The following ARHGAP15 variants were observed in gnomAD, a reference collection of about 807,000 sequenced individuals.
The protein encoded by ARHGAP15 is rho GTPase-activating protein 15.
In ARHGAP15, 51 loss-of-function variants were observed where a neutral mutation model predicts 63.7. The ratio of observed to expected loss-of-function variants is 0.80; its 90% confidence interval spans 0.64 to 1.01. The LOEUF is 1.01. Among genes scored for constraint, ARHGAP15 ranks in the 50% least tolerant of loss-of-function variants. ARHGAP15 has a pLI of 0.00. For synonymous variants in ARHGAP15, 191 were observed against 193.8 expected, an observed-to-expected ratio of 0.99 and a Z score of 0.12; for missense variants, 560 against 564.6, an observed-to-expected ratio of 0.99 and a Z score of 0.08.
At chr2:143,148,215 G>A (rs943391647) in intron 1 of ARHGAP15, among the ~76,000 whole-genome samples, 2 of 151,926 alleles carry the variant, frequency 1.3e-5, no homozygotes, top group Non-Finnish European at 2.9e-5. Context: ...TTATCATACA[G>A]CATCCAGGCC....
At chr2:143,304,675 A>T (rs1453501076) in intron 6 of ARHGAP15, among the ~76,000 whole-genome samples, 2 of 152,158 alleles carry the variant, frequency 1.3e-5, no homozygotes, top group African/African-American at 4.8e-5. Flanking sequence ...TTCACAAGTG[A>T]TTAAAATGAA....
intron 12 of ARHGAP15, among the ~76,000 whole-genome samples, chr2:143,630,299 T>A (rs1456598420): frequency 1.3e-5 from 2 of 152,142 alleles, no homozygotes; most frequent in African/African-American, 4.8e-5. Flanking sequence ...CAATATCTCC[T>A]TTTGAAATTT....
At chr2:143,645,429 C>A (rs1304246425) in intron 12 of ARHGAP15, among the ~76,000 whole-genome samples, 1 of 152,038 alleles carries the variant, frequency 6.6e-6, no homozygotes, top group Admixed American at 6.6e-5. Flanking sequence ...ATTATACTTT[C>A]TTCAACATTA....
chr2:143,149,141 C>T (rs1200545710), intron 1 of ARHGAP15, among the ~76,000 whole-genome samples: 1 of 151,976 alleles, frequency 6.6e-6, no homozygotes, highest in Admixed American at 6.6e-5. Context: ...TTGTCATGAG[C>T]TCTTAGCAGA....
At chr2:143,392,912 A>T (rs1387247780) in intron 6 of ARHGAP15, among the ~76,000 whole-genome samples, 2 of 152,092 alleles carry the variant, frequency 1.3e-5, no homozygotes, top group Non-Finnish European at 2.9e-5. Context: ...CAAGACAGAA[A>T]TCTCCATAGA....
intron 6 of ARHGAP15, among the ~76,000 whole-genome samples, chr2:143,273,202 T>G (rs906417987): frequency 2.6e-5 from 4 of 152,140 alleles, no homozygotes; most frequent in Non-Finnish European, 5.9e-5. Context: ...TACACTAATA[T>G]CCTCATTTTC....
intron 6 of ARHGAP15, among the ~76,000 whole-genome samples, chr2:143,265,221 A>AT (rs55917586): frequency 0.045 from 6,530 of 146,660 alleles, 156 homozygotes; most frequent in Non-Finnish European, 0.058. Flanking sequence ...TATATCTGTG[A>AT]TTTTTTTTTT....
chr2:143,532,224 AT>A (rs945131357), intron 10 of ARHGAP15, among the ~76,000 whole-genome samples: 4 of 152,186 alleles, frequency 2.6e-5, no homozygotes, highest in Non-Finnish European at 4.4e-5. Flanking sequence ...AGATGCCAAG[AT>A]TTTACAGGCA....
intron 6 of ARHGAP15, among the ~76,000 whole-genome samples, chr2:143,377,201 A>G (rs1219298930): frequency 6.6e-6 from 1 of 151,664 alleles, no homozygotes; most frequent in African/African-American, 2.4e-5. Flanking sequence ...AAATCCAGCC[A>G]ATACTTACCA....
intron 6 of ARHGAP15, among the ~76,000 whole-genome samples, chr2:143,379,485 A>ATGTGTGTGTG (rs1234683861): frequency 5.5e-5 from 5 of 90,094 alleles, no homozygotes; most frequent in Admixed American, 3.0e-4. Flanking sequence ...TTAGGCATAT[A>ATGTGTGTGTG]TATGTGTGTG....
intron 3 of ARHGAP15, among the ~76,000 whole-genome samples, chr2:143,210,612 A>AT (rs1332467339): frequency 6.6e-6 from 1 of 152,166 alleles, no homozygotes; most frequent in African/African-American, 2.4e-5. Context: ...ATGTTGTCTT[A>AT]TCCTAAGTGA....
chr2:143,307,880 T>C (rs62170422), intron 6 of ARHGAP15, among the ~76,000 whole-genome samples: 7,076 of 152,244 alleles, frequency 0.046, 218 homozygotes, highest in Non-Finnish European at 0.068. Flanking sequence ...AAATGAGGCA[T>C]CACTGCATTT....
chr2:143,314,656 C>T (rs1683613628), intron 6 of ARHGAP15: 1 of 152,104 alleles, frequency 6.6e-6, no homozygotes, highest in African/African-American at 2.4e-5. Flanking sequence ...TAAGTTTTTC[C>T]TGAAAACATT....
chr2:143,724,297 G>A (rs961900822), intron 13 of ARHGAP15, among the ~76,000 whole-genome samples: 4 of 152,112 alleles, frequency 2.6e-5, no homozygotes, highest in Admixed American at 2.0e-4. Flanking sequence ...CTGAGTGTCA[G>A]TTTCCTCTTC....
chr2:143,555,429 G>A (rs557906790), intron 10 of ARHGAP15, among the ~76,000 whole-genome samples: 2 of 152,154 alleles, frequency 1.3e-5, no homozygotes, highest in African/African-American at 2.4e-5. Context: ...CTAGTCCTGA[G>A]TGCCCAGACA....
chr2:143,586,375 TCTC>T (rs548064756), intron 11 of ARHGAP15, among the ~76,000 whole-genome samples: 30 of 152,228 alleles, frequency 2.0e-4, no homozygotes, highest in Admixed American at 1.5e-3. Flanking sequence ...TTTGCTCTAT[TCTC>T]TTCTTCAAGA....
At chr2:143,690,474 G>A (rs139919232) in intron 12 of ARHGAP15, among the ~76,000 whole-genome samples, 12 of 152,070 alleles carry the variant, frequency 7.9e-5, no homozygotes, top group African/African-American at 2.4e-4. Context: ...TTGCTGTTGC[G>A]TCTTTACCTG....
chr2:143,359,591 A>C (rs994216176), intron 6 of ARHGAP15, among the ~76,000 whole-genome samples: 1 of 152,188 alleles, frequency 6.6e-6, no homozygotes, highest in African/African-American at 2.4e-5. Context: ...ATAAAGAAAA[A>C]TGTAGAAGCT....
At chr2:143,355,303 G>A (rs547370008) in intron 6 of ARHGAP15, among the ~76,000 whole-genome samples, 1 of 152,222 alleles carries the variant, frequency 6.6e-6, no homozygotes, top group South Asian at 2.1e-4. Flanking sequence ...AGACAGCCTA[G>A]ACTTTCGGTT....
Sources: allele counts gnomAD v4.1 joint callset (sites outside exome capture counted in the v4.1 genomes callset), GRCh38; gene constraint gnomAD v4.1.1; transcripts MANE v1.5; gene names NCBI Gene and HGNC (gene_info 2026-07-23, HGNC 2026-07-21).